ETV3L: variants seen among roughly 807,000 people sequenced by gnomAD.
ETV3L encodes ETS translocation variant 3-like protein.
A neutral mutation model predicts 27.6 loss-of-function variants in ETV3L; 30 were observed. The observed-to-expected ratio is 1.09, with a 90% CI of 0.81 to 1.48. ETV3L has a LOEUF of 1.48. ETV3L is among the 40% of genes most tolerant of loss of function. ETV3L has a pLI of 0.00. For synonymous variants in ETV3L, 186 were observed against 188.9 expected (o/e 0.98, Z 0.12); for missense variants, 443 against 455.6 (o/e 0.97, Z 0.25).
chr1:157,099,060 G>A, intron 2 of ETV3L, 81 bp downstream of exon 2: 1 of 1,563,980 alleles, frequency 6.4e-7, no homozygotes, highest in Non-Finnish European at 8.7e-7. Flanking sequence ...TGGAGGGGTG[G>A]GAGTCAGCAG....
rs1352068847 is a variant in ETV3L, at chr1:157,092,405, G to A, written c.*244C>T. 2.1e-6 allele frequency: 1 copy of A among 482,350 alleles called. No individual in the cohort carries two copies. Among genetic ancestry groups the A allele is most frequent in the Non-Finnish European group, 3.6e-6 (1 of 274,690 alleles). The allele number at this position is 482,350 out of a possible 1,614,324, so 29.9% of individuals were successfully genotyped here. On this transcript the variant is annotated 3_prime_UTR_variant, in exon 5 of 5. Transcript: ENST00000454449. Reference sequence around the variant, plus strand: ...TCTCCCTGAAGAAAAGTTGAGATTAGGAATGTCCCCTTAGTCTGCTTAGCA... The same window carrying A: ...TCTCCCTGAAGAAAAGTTGAGATTAAGAATGTCCCCTTAGTCTGCTTAGCA...
chr1:157,099,253 G>C lies in ETV3L; in HGVS notation c.184C>G (p.Gln62Glu), dbSNP rs765566393. 2 of 1,613,830 alleles carry C rather than the reference G, an allele frequency of 1.2e-6. No homozygotes were observed. Among genetic ancestry groups the C allele is most frequent in the African/African-American group, 2.7e-5 (2 of 74,894 alleles). ...EEFRHVIAWQ[Q>E]GEYGEFVIKD... ...ATGACAAATTCCCCGTACTCTCCCTGCTGCCAGGCGATGACATGGCGGAAC... is the reference window on the plus strand; with the variant it reads ...ATGACAAATTCCCCGTACTCTCCCTCCTGCCAGGCGATGACATGGCGGAAC... Residue 62 changes from glutamine to glutamate, a missense_variant, in exon 2 of 5, where the codon CAG (glutamine) becomes GAG (glutamate). By Grantham distance (29) the Gln-to-Glu change is conservative. Transcript: ENST00000454449.
chr1:157,093,077 C>G lies in ETV3L; in HGVS notation c.658G>C (p.Gly220Arg), dbSNP rs761954160. 2.0e-6 allele frequency: 3 copies of G among 1,492,286 alleles called. No individual in the cohort carries two copies. The highest frequency in any genetic ancestry group is 2.7e-6 in the Non-Finnish European group (3 of 1,121,646). The allele number at this position is 1,492,286 out of a possible 1,614,324, so 92.4% of individuals were successfully genotyped here. A position where few individuals can be genotyped will look rare whatever the true frequency, so the allele number is the denominator to read the frequency against. The change falls in exon 5 of 5, where the codon GGG becomes CGG. Residue 220 changes from glycine to arginine, a missense_variant. By Grantham distance (125) the Gly-to-Arg change is moderately radical (BLOSUM62 -2). Transcript: ENST00000454449. ...PCRLGLCCHL[G>R]SVQGELPGVA... Reference sequence around the variant, plus strand: ...CCAGGCAGCTCGCCTTGGACGCTCCCCAAATGGCAGCAAAGGCCCAGCCGG... The same window carrying G: ...CCAGGCAGCTCGCCTTGGACGCTCCGCAAATGGCAGCAAAGGCCCAGCCGG...
chr1:157,098,913 G>A lies in ETV3L; in HGVS notation c.297-18C>T. ...AGTAATATCTGGAGAATTCGAAGTTGAGAATAGAGTTGGCCCAGCAGTCAG... is the reference window on the plus strand; with the variant it reads ...AGTAATATCTGGAGAATTCGAAGTTAAGAATAGAGTTGGCCCAGCAGTCAG... On this transcript the variant is annotated intron_variant, in intron 2 of 4. Transcript: ENST00000454449. 6.2e-7 allele frequency: 1 copy of A among 1,600,902 alleles called. No homozygotes were observed. The highest frequency in any genetic ancestry group is 8.5e-7 in the Non-Finnish European group (1 of 1,172,398).
intron 4 of ETV3L, among the ~76,000 whole-genome samples, chr1:157,094,730 T>C (rs1477996718): frequency 6.6e-6 from 1 of 151,994 alleles, no homozygotes; most frequent in Non-Finnish European, 1.5e-5. Context: ...CTGACCAATG[T>C]GATGAAACCC....
intron 4 of ETV3L, among the ~76,000 whole-genome samples, chr1:157,094,624 A>G (rs989407426): frequency 6.6e-6 from 1 of 152,168 alleles, no homozygotes; most frequent in African/African-American, 2.4e-5. Flanking sequence ...TAAAAACTGG[A>G]AAAACAGGCC....
intron 4 of ETV3L, among the ~76,000 whole-genome samples, chr1:157,097,334 G>A (rs370971440): frequency 3.3e-5 from 5 of 151,598 alleles, no homozygotes; most frequent in Non-Finnish European, 5.9e-5. Context: ...TTAGCTGGGC[G>A]TGGTGGTGCA....
chr1:157,093,062 C>G lies in ETV3L; in HGVS notation c.673G>C (p.Glu225Gln). The change falls in exon 5 of 5, where the codon GAG (glutamate) becomes CAG (glutamine). Residue 225 changes from glutamate (E) to glutamine (Q), a missense_variant. By Grantham distance (29) the Glu-to-Gln change is conservative (BLOSUM62 2). Transcript: ENST00000454449. ...GTGAAGGAGGCAACACCAGGCAGCT[C>G]GCCTTGGACGCTCCCCAAATGGCAG... The part of the protein sequence containing the change: ...LCCHLGSVQG[E>Q]LPGVASFTPP... 1 of 1,518,508 alleles carries G rather than the reference C, an allele frequency of 6.6e-7. No homozygotes were observed. The highest frequency in any genetic ancestry group is 8.8e-7 in the Non-Finnish European group (1 of 1,133,680). The allele number at this position is 1,518,508 out of a possible 1,614,324, so 94.1% of individuals were successfully genotyped here.
At position 157,099,186 on chromosome 1, in the gene ETV3L, T is replaced by C. The variant is rs746475053; in HGVS notation, c.251A>G (p.Lys84Arg). The C allele has an allele frequency of 1.2e-5, 20 of 1,613,728 alleles. No homozygotes were observed. The highest frequency in any genetic ancestry group is 6.7e-5 in the Admixed American group (4 of 59,982). The change falls in exon 2 of 5, where the codon AAA (lysine) becomes AGA (arginine). Residue 84 changes from lysine (K) to arginine (R), a missense_variant. Physicochemically the swap from Lys to Arg is conservative, Grantham distance 26. Coordinates refer to ENST00000454449, the MANE Select transcript of ETV3L (RefSeq NM_001004341.2). The stretch of plus-strand genomic sequence containing the variant: ...GTCATAATTCATCTGTGGTTTGCAT[T>C]TCCTGCGGCCCCAGAGGCGGGCCAC... The part of the protein sequence containing the change: ...DEVARLWGRR[K>R]CKPQMNYDKL...
At position 157,094,874 on chromosome 1, in the gene ETV3L, T is replaced by A. The variant is rs940316191; in HGVS notation, c.608-1747A>T. On this transcript the variant is annotated intron_variant, in intron 4 of 4. Coordinates refer to ENST00000454449, the MANE Select transcript of ETV3L (RefSeq NM_001004341.2). ...GTTGCAGTGAGCCAAGATCACACCATTGCACTCCAGCCTGGGCAACAAAAG... is the reference window on the plus strand; with the variant it reads ...GTTGCAGTGAGCCAAGATCACACCAATGCACTCCAGCCTGGGCAACAAAAG... 4.4e-5 allele frequency among the ~76,000 whole-genome samples: 6 copies of A among 136,160 alleles called. No individual in the cohort carries two copies. In the South Asian group the frequency reaches 1.2e-3, roughly 27 times the overall value. 89.3% of individuals were successfully genotyped at this position (136,160 alleles called of 152,430 possible).
chr1:157,097,802 C>T lies in ETV3L; in HGVS notation c.607+66G>A, dbSNP rs1490274824. The stretch of plus-strand genomic sequence containing the variant: ...TCTCATGCCCCCTCAGCCATGTACT[C>T]AGCCAGGAGGGCCCTCCCTCCTCTG... On this transcript the variant is annotated intron_variant, in intron 4 of 4. Transcript: ENST00000454449. 5.0e-6 allele frequency: 8 copies of T among 1,596,778 alleles called. No homozygotes were observed. In the Admixed American group the frequency reaches 1.2e-4, roughly 24 times the overall value.
Position 157,092,523 on chromosome 1 carries a change from C to T in ETV3L, c.*126G>A, listed in dbSNP as rs983687834. ...ATGCTCCCCACCTTGGGTCCAACTC[C>T]ACCCCTTCAAATCCTGCAATTTCAG... On this transcript the variant is annotated 3_prime_UTR_variant, in exon 5 of 5. Transcript: ENST00000454449. The T allele has an allele frequency of 2.1e-5, 17 of 818,872 alleles. No individual in the cohort carries two copies. The highest frequency in any genetic ancestry group is 5.8e-5 in the Admixed American group (2 of 34,214). The allele number at this position is 818,872 out of a possible 1,614,324, so 50.7% of individuals were successfully genotyped here.
At chr1:157,099,087 G>A (rs1168399896) in intron 2 of ETV3L, 54 bp downstream of exon 2, 10 of 1,601,824 alleles carry the variant, frequency 6.2e-6, no homozygotes, top group South Asian at 2.2e-5. Context: ...CAGAAACCAC[G>A]GCCCTTTTCC....
rs530432055 is a variant in ETV3L, at chr1:157,098,979, C to T, written c.297-84G>A. The T allele has an allele frequency of 2.3e-5, 35 of 1,496,230 alleles. 1 individual carries two copies. The East Asian group carries it at 3.6e-4, about 16-fold the overall frequency. The allele number at this position is 1,496,230 out of a possible 1,614,324, so 92.7% of individuals were successfully genotyped here. ...ACCCAGTCACATTCTCCTCCCTAGC[C>T]GGGCTGACCCTAAGCTGTTCCCCGA... On this transcript the variant is annotated intron_variant, in intron 2 of 4. Coordinates refer to ENST00000454449, the MANE Select transcript of ETV3L (RefSeq NM_001004341.2).
chr1:157,098,929 C>T (rs367802331), intron 2 of ETV3L, 34 bp from the exon 3 acceptor site: 478 of 1,583,902 alleles, frequency 3.0e-4, no homozygotes, highest in Non-Finnish European at 3.9e-4. Flanking sequence ...AGAGTTGGCC[C>T]AGCAGTCAGA....
Position 157,099,608 on chromosome 1 carries a change from G to C in ETV3L, c.-85C>G. The C allele has an allele frequency of 8.6e-7, 1 of 1,158,928 alleles. No homozygotes were observed. The highest frequency in any genetic ancestry group is 1.3e-6 in the Non-Finnish European group (1 of 794,114). 71.8% of individuals were successfully genotyped at this position (1,158,928 alleles called of 1,614,324 possible). A position where few individuals can be genotyped will look rare whatever the true frequency, so the allele number is the denominator to read the frequency against. On this transcript the variant is annotated 5_prime_UTR_variant, in exon 1 of 5. Coordinates refer to ENST00000454449, the MANE Select transcript of ETV3L (RefSeq NM_001004341.2). ...GGAAGGGAAGGAAGGAGGCAGAGGG[G>C]AGGACAGTGAAAGAGGAAGGAAAAA... is the stretch of plus-strand genomic sequence containing the variant.
intron 4 of ETV3L, among the ~76,000 whole-genome samples, chr1:157,096,158 CCCTCT>C (rs1674214165): frequency 6.6e-6 from 1 of 152,180 alleles, no homozygotes; most frequent in Non-Finnish European, 1.5e-5. Flanking sequence ...TCTCCCTACT[CCCTCT>C]GAGCTAAGCT....
rs1674283419 is a variant in ETV3L at position 157,098,829 on chromosome 1, G to A, written c.363C>T (p.Phe121=). Residue 121 remains phenylalanine (F), a synonymous_variant, in exon 3 of 5, where the codon TTC becomes TTT. Coordinates refer to ENST00000454449, the MANE Select transcript of ETV3L (RefSeq NM_001004341.2). ...GATAGTTGACTACGATGAGCTTGCT[G>A]AAGTTGAACTTGTATGTGAACCTTT... ...KGKRFTYKFN[F]SKLIVVNYPL... is the part of the protein sequence containing the mutation. 1 of 1,614,172 alleles carries A rather than the reference G, an allele frequency of 6.2e-7. No homozygotes were observed. Among genetic ancestry groups the A allele is most frequent in the Non-Finnish European group, 8.5e-7 (1 of 1,180,014 alleles).
At chr1:157,097,773 C>T (rs1478434532) in intron 4 of ETV3L, 95 bp downstream of exon 4, 10 of 1,475,250 alleles carry the variant, frequency 6.8e-6, no homozygotes, top group Non-Finnish European at 9.3e-6. Context: ...CATAGTATCC[C>T]TTGTCTCATG....
Sources: gnomAD v4.1 joint callset for allele counts (sites outside exome capture counted in the v4.1 genomes callset) on GRCh38, gnomAD v4.1.1 for gene constraint, MANE v1.5 for transcripts, NCBI Gene and HGNC (gene_info 2026-07-23, HGNC 2026-07-21) for gene names.